Variants in PROCR observed in about 807,000 individuals in gnomAD.
The protein encoded by PROCR is endothelial protein C receptor.
In PROCR, 22 loss-of-function variants were observed where a neutral mutation model predicts 24.2. That is an observed-to-expected ratio of 0.91 (90% confidence interval 0.65 to 1.30). The LOEUF (loss-of-function observed/expected upper bound fraction) is 1.30. PROCR is among the 50% of genes most tolerant of loss of function. PROCR has a pLI of 0.00. For missense variants in PROCR, 288 were observed against 307.7 expected (o/e 0.94, Z 0.48); for synonymous variants, 137 against 139.2 (o/e 0.98, Z 0.11).
chr20:35,215,948 A>T, exon 2 of PROCR: 1 of 936,952 alleles, frequency 1.1e-6, no homozygotes, highest in Non-Finnish European at 1.3e-6. Flanking sequence ...CTGTAATCCC[A>T]GCACTTTGGG....
At chr20:35,213,766 G>A (rs190425404) in intron 1 of PROCR, among the ~76,000 whole-genome samples, 1 of 151,822 alleles carries the variant, frequency 6.6e-6, no homozygotes, top group South Asian at 2.1e-4. Flanking sequence ...ATACAAAAAG[G>A]TATACAGTGA....
At chr20:35,176,630 G>C (rs1483381817) in intron 3 of PROCR, 68 bp from the exon 4 acceptor site, 1 of 1,569,068 alleles carries the variant, frequency 6.4e-7, no homozygotes. Flanking sequence ...AAACGCTTTG[G>C]GGTTTGACTC....
intron 1 of PROCR, among the ~76,000 whole-genome samples, chr20:35,191,996 A>T (rs1170847825): frequency 6.6e-6 from 1 of 152,212 alleles, no homozygotes; most frequent in Non-Finnish European, 1.5e-5. Context: ...GTGAAAAATG[A>T]TGGTGGCAAG....
intron 1 of PROCR, among the ~76,000 whole-genome samples, chr20:35,209,677 G>C (rs1467483862): frequency 2.6e-5 from 4 of 152,086 alleles, no homozygotes; most frequent in African/African-American, 7.3e-5. Context: ...TGATGCCAAA[G>C]TCAGGGGAAG....
intron 2 of PROCR, among the ~76,000 whole-genome samples, chr20:35,175,522 T>C (rs1186903347): frequency 1.5e-5 from 2 of 129,456 alleles, no homozygotes; most frequent in Non-Finnish European, 3.2e-5. Flanking sequence ...CCGTCCCCCT[T>C]CCCCCACCAT....
chr20:35,209,418 G>A (rs1214792377), intron 1 of PROCR, among the ~76,000 whole-genome samples: 2 of 152,140 alleles, frequency 1.3e-5, no homozygotes, highest in East Asian at 3.8e-4. Flanking sequence ...GTATAGATGT[G>A]GAATAAGCAA....
chr20:35,206,878 A>C (rs530044171), intron 1 of PROCR, among the ~76,000 whole-genome samples: 1 of 152,272 alleles, frequency 6.6e-6, no homozygotes, highest in African/African-American at 2.4e-5. Flanking sequence ...TCATACCAAA[A>C]CCTGTACGTG....
chr20:35,180,640 G>A (rs1277177259), downstream of PROCR, among the ~76,000 whole-genome samples: 1 of 151,866 alleles, frequency 6.6e-6, no homozygotes, highest in Non-Finnish European at 1.5e-5. Context: ...CTCAAACTCT[G>A]TCTCAGCCTC....
chr20:35,212,379 T>A (rs988575327), intron 1 of PROCR, among the ~76,000 whole-genome samples: 1 of 152,186 alleles, frequency 6.6e-6, no homozygotes, highest in Non-Finnish European at 1.5e-5. Context: ...CTTGTTTTAA[T>A]GTTCTGCTGT....
intron 1 of PROCR, among the ~76,000 whole-genome samples, chr20:35,209,410 A>G (rs2060353801): frequency 6.6e-6 from 1 of 152,208 alleles, no homozygotes; most frequent in Non-Finnish European, 1.5e-5. Flanking sequence ...ACATTAAGGT[A>G]TAGATGTGGA....
chr20:35,171,810 G>C (rs754596537), upstream of PROCR, among the ~76,000 whole-genome samples: 46 of 152,158 alleles, frequency 3.0e-4, no homozygotes, highest in Non-Finnish European at 5.4e-4. Context: ...AGCGCCGGCA[G>C]GACTTCTCAC....
chr20:35,174,966 G>T lies in PROCR; in HGVS notation c.322+13G>T. On this transcript the variant is annotated intron_variant, in intron 2 of 3. Transcript: ENST00000216968. ...CGGACCTTGGCCTGTGAGTAGGCGC[G>T]CAGCGGGGGCGGGGTCTGGGCGGGG... 1.4e-6 allele frequency: 2 copies of T among 1,473,754 alleles called. No individual in the cohort carries two copies. The highest frequency in any genetic ancestry group is 1.3e-5 in the South Asian group (1 of 76,764). The allele number at this position is 1,473,754 out of a possible 1,614,324, so 91.3% of individuals were successfully genotyped here. A position where few individuals can be genotyped will look rare whatever the true frequency, so the allele number is the denominator to read the frequency against.
rs11471756 is a variant in PROCR at position 35,207,392 on chromosome 20, G to GTATATA, written c.95-8484_95-8479dup. On this transcript the variant is annotated intron_variant, in intron 1 of 1. Coordinates refer to the PROCR transcript ENST00000634509. ...GCAAATCTATTATGTGTATGTTTGTGTATATATATATATATATATATACAC... is the reference window on the plus strand; with the variant it reads ...GCAAATCTATTATGTGTATGTTTGTGTATATATATATATATATATATATATATACAC... Among the ~76,000 whole-genome samples, 295 of 146,094 alleles carry GTATATA rather than the reference G, an allele frequency of 2.0e-3. 1 individual carries two copies. Among genetic ancestry groups the GTATATA allele is most frequent in the Middle Eastern group, 7.2e-3 (2 of 276 alleles).
intron 1 of PROCR, among the ~76,000 whole-genome samples, chr20:35,197,757 G>T (rs1568598378): frequency 6.6e-6 from 1 of 151,366 alleles, no homozygotes; most frequent in Non-Finnish European, 1.5e-5. Flanking sequence ...AGGAGGCAGG[G>T]GTCACAGTGA....
intron 1 of PROCR, among the ~76,000 whole-genome samples, chr20:35,199,275 A>G (rs2060310082): frequency 6.6e-6 from 1 of 152,220 alleles, no homozygotes; most frequent in African/African-American, 2.4e-5. Flanking sequence ...CCTACTGTTG[A>G]GACCTACTGC....
intron 1 of PROCR, among the ~76,000 whole-genome samples, chr20:35,199,266 C>A (rs892005227): frequency 6.6e-6 from 1 of 152,174 alleles, no homozygotes; most frequent in Non-Finnish European, 1.5e-5. Context: ...TATTTTAAGC[C>A]TACTGTTGAG....
chr20:35,211,818 A>G (rs1052433729), intron 1 of PROCR, among the ~76,000 whole-genome samples: 6 of 152,198 alleles, frequency 3.9e-5, no homozygotes, highest in Admixed American at 2.0e-4. Flanking sequence ...GTTTGAGACC[A>G]GCCTGGCCAA....
rs35650525 is a variant in PROCR, at chr20:35,187,223, T to TTTTGTTTG, written c.94+10793_94+10800dup. ...GCACCTCCAAGCCTGCCTAAATTTG[T>TTTTGTTTG]TTTGTTTGTTTGTTTGTTTGTTTTG... On this transcript the variant is annotated intron_variant, in intron 1 of 1. Transcript: ENST00000634509. 1.7e-3 allele frequency among the ~76,000 whole-genome samples: 253 copies of TTTTGTTTG among 150,604 alleles called. 1 individual carries two copies. Among genetic ancestry groups the TTTTGTTTG allele is most frequent in the African/African-American group, 5.4e-3 (222 of 40,916 alleles).
downstream of PROCR, among the ~76,000 whole-genome samples, chr20:35,180,065 G>C (rs1379014785): frequency 6.6e-6 from 1 of 152,052 alleles, no homozygotes; most frequent in Non-Finnish European, 1.5e-5. Context: ...GGCCAACATG[G>C]CGAAACCCTG....
Sources: allele counts gnomAD v4.1 joint callset (sites outside exome capture counted in the v4.1 genomes callset), GRCh38; gene constraint gnomAD v4.1.1; transcripts MANE v1.5; gene names NCBI Gene and HGNC (gene_info 2026-07-23, HGNC 2026-07-21).